Variants in CPNE6 observed in about 807,000 individuals in gnomAD.
CPNE6 encodes the protein copine-6.
A neutral mutation model predicts 71.5 loss-of-function variants in CPNE6; 33 were observed. The ratio of observed to expected loss-of-function variants is 0.46; its 90% CI spans 0.35 to 0.62. The LOEUF (loss-of-function observed/expected upper bound fraction) is 0.62. Among genes scored for constraint, CPNE6 ranks in the 20% least tolerant of loss-of-function variants. The pLI is 0.00. For synonymous variants in CPNE6, 296 were observed against 293.0 expected, an observed-to-expected ratio of 1.01 and a Z score of -0.10; for missense variants, 576 against 747.3, an observed-to-expected ratio of 0.77 and a Z score of 2.67.
chr14:24,075,909 C>T lies in CPNE6; in HGVS notation c.924+23C>T, dbSNP rs923018783. The T allele has an allele frequency of 6.2e-7, 1 of 1,613,340 alleles. No homozygotes were observed. Among genetic ancestry groups the T allele is most frequent in the Non-Finnish European group, 8.5e-7 (1 of 1,179,382 alleles). Reference sequence around the variant, plus strand: ...ACGGTAAAGACTCAGAGGGAGGGCACACAGGCAAGAGGGAGGGGCTGAGTC... The same window carrying T: ...ACGGTAAAGACTCAGAGGGAGGGCATACAGGCAAGAGGGAGGGGCTGAGTC... On this transcript the variant is annotated intron_variant, in intron 11 of 17. Transcript: ENST00000397016. The surrounding 1 kb of genome is among the most constrained non-coding windows in gnomAD (Gnocchi z 4.3).
rs764105728 is a variant in CPNE6 at position 24,077,327 on chromosome 14, C to T, written c.1473C>T (p.Cys491=). The change falls in exon 16 of 18, where the codon TGC becomes TGT. Residue 491 remains cysteine (C), a synonymous_variant. Coordinates refer to ENST00000397016, the Ensembl canonical transcript of CPNE6. This position sits in a 1 kb window ranked among gnomAD's most constrained non-coding sequence, Gnocchi z 6.1. ...ATGGCGACGACGGCCCCTTGCGCTG[C>T]CCCCGAGGGGTGCCTGCAGCCCGAG... is the stretch of plus-strand genomic sequence containing the variant. 19 of 1,613,866 alleles carry T rather than the reference C, an allele frequency of 1.2e-5. No individual in the cohort carries two copies. Among genetic ancestry groups the T allele is most frequent in the Non-Finnish European group, 1.5e-5 (18 of 1,180,008 alleles).
chr14:24,071,507 C>G, intron 1 of CPNE6, 55 bp from the exon 1 acceptor site: 3 of 1,447,386 alleles, frequency 2.1e-6, no homozygotes, highest in Non-Finnish European at 1.8e-6. Context: ...CTGCGCCCCC[C>G]CCCACCCCTC....
chr14:24,074,521 G>A lies in CPNE6; in HGVS notation c.499-10G>A. ...ACCAACCTCAAGGGCCCTTTCTCCT[G>A]TATCTTCAGGATCTGTTCAGCAAGT... is the stretch of plus-strand genomic sequence containing the variant. On this transcript the variant is annotated splice_polypyrimidine_tract_variant and intron_variant, in intron 6 of 17. Transcript: ENST00000397016. The surrounding 1 kb of genome is among the most constrained non-coding windows in gnomAD (Gnocchi z 4.5). 1.9e-6 allele frequency: 3 copies of A among 1,613,748 alleles called. No individual in the cohort carries two copies. The highest frequency in any genetic ancestry group is 2.5e-6 in the Non-Finnish European group (3 of 1,179,752).
rs766705812 is a variant in CPNE6, at chr14:24,076,537, C to T, written c.1145C>T (p.Pro382Leu). ...CATGACTTTGCTATCAACTTTGACC[C>T]GGAAAATCCTGAATGTGAAGGTAAA... The change falls in exon 14 of 18, where the codon CCG (proline) becomes CTG (leucine). Residue 382 changes from proline (P) to leucine (L), a missense_variant. Pro to Leu is a moderately conservative substitution (Grantham distance 98, BLOSUM62 -3). Around this residue, in one of 4 missense-constraint regions of CPNE6, gnomAD observed 264 missense variants for 339.9 expected, o/e 0.78. Transcript: ENST00000397016. 1.7e-5 allele frequency: 27 copies of T among 1,613,994 alleles called. No homozygotes were observed. In the Middle Eastern group the frequency reaches 4.9e-4, roughly 29 times the overall value.
Position 24,077,717 on chromosome 14 carries a change from G to T in CPNE6, c.1661G>T (p.Ser554Ile). 6.5e-7 allele frequency: 1 copy of T among 1,526,934 alleles called. No individual in the cohort carries two copies. Among genetic ancestry groups the T allele is most frequent in the Admixed American group, 2.2e-5 (1 of 45,732 alleles). The allele number at this position is 1,526,934 out of a possible 1,614,324, so 94.6% of individuals were successfully genotyped here. The change falls in exon 17 of 18, where the codon AGC (serine) becomes ATC (isoleucine). Residue 554 changes from serine (S) to isoleucine (I), a missense_variant. This residue lies in a region of CPNE6 where 264 missense variants were observed against 339.9 expected (regional missense o/e 0.78). Coordinates refer to ENST00000397016, the Ensembl canonical transcript of CPNE6. The surrounding 1 kb of genome is among the most constrained non-coding windows in gnomAD (Gnocchi z 6.1). Reference sequence around the variant, plus strand: ...CCCTGCACACTGGCTACGACTCCCAGCCCTAGCCCGTGACTGCCTCCCTCC... The same window carrying T: ...CCCTGCACACTGGCTACGACTCCCATCCCTAGCCCGTGACTGCCTCCCTCC...
intron 2 of CPNE6, 189 bp downstream of exon 1, chr14:24,071,830 T>A (rs1594225077): frequency 1.9e-6 from 1 of 520,828 alleles, no homozygotes; most frequent in Non-Finnish European, 3.4e-6. Flanking sequence ...GAGACCCCCC[T>A]CCCCCAGCCC....
At chr14:24,071,537 T>C in exon 2 of CPNE6, 1 of 509,916 alleles carries the variant, frequency 2.0e-6, no homozygotes, top group Non-Finnish European at 2.6e-6. Context: ...GCCCCATAAA[T>C]AGCAGCAGAG....
chr14:24,072,990 G>A (rs1490013480), exon 3 of CPNE6: 10 of 1,586,408 alleles, frequency 6.3e-6, no homozygotes, highest in Non-Finnish European at 8.6e-6. Context: ...TGACGCTGGG[G>A]GCCTCTCGGG....
At position 24,077,578 on chromosome 14, in the gene CPNE6, C is replaced by T. The variant is rs1186774452; in HGVS notation, c.1537-15C>T. ...CTTCCTCTCACCCCTAACCACATCA[C>T]TGTCCCCACCCTAGGCTGCCCCCTC... On this transcript the variant is annotated splice_polypyrimidine_tract_variant and intron_variant, in intron 16 of 17. Coordinates refer to ENST00000397016, the Ensembl canonical transcript of CPNE6. The surrounding 1 kb of genome is among the most constrained non-coding windows in gnomAD (Gnocchi z 6.1). The T allele has an allele frequency of 6.3e-7, 1 of 1,578,716 alleles. No homozygotes were observed. The highest frequency in any genetic ancestry group is 1.2e-5 in the South Asian group (1 of 84,734).
Position 24,075,191 on chromosome 14 carries a change from ACTCC to A in CPNE6, c.693_696del (p.Asp231GlufsTer51). 6.2e-7 allele frequency: 1 copy of A among 1,613,412 alleles called. No individual in the cohort carries two copies. On this transcript the variant is annotated frameshift_variant, in exon 9 of 18. Transcript: ENST00000397016. LOFTEE classifies it high-confidence loss of function. The surrounding 1 kb of genome is among the most constrained non-coding windows in gnomAD (Gnocchi z 4.3). ...TCTCAGTTCCTGGTGTATGACTATGACTCCAGTGGGAAGCATGACTTCATCGGCG... is the reference window on the plus strand; with the variant it reads ...TCTCAGTTCCTGGTGTATGACTATGAAGTGGGAAGCATGACTTCATCGGCG...
Position 24,071,643 on chromosome 14 carries a change from T to G in CPNE6, c.-5+2T>G. The G allele has an allele frequency of 1.0e-6, 1 of 954,122 alleles. No homozygotes were observed. The highest frequency in any genetic ancestry group is 1.6e-6 in the Non-Finnish European group (1 of 616,786). 59.1% of individuals were successfully genotyped at this position (954,122 alleles called of 1,614,324 possible). A position where few individuals can be genotyped will look rare whatever the true frequency, so the allele number is the denominator to read the frequency against. ...AGGAGCCCCCGACCGAGAGCCCAGGTGAGCCCACCCTTCCTCCCCAGCCCA... is the reference window on the plus strand; with the variant it reads ...AGGAGCCCCCGACCGAGAGCCCAGGGGAGCCCACCCTTCCTCCCCAGCCCA... On this transcript the variant is annotated splice_donor_variant, in intron 2 of 17. Coordinates refer to ENST00000397016, the Ensembl canonical transcript of CPNE6. LOFTEE classifies it low-confidence loss of function (5UTR_SPLICE).
At position 24,074,701 on chromosome 14, in the gene CPNE6, C is replaced by A; in HGVS notation, c.583-5C>A. On this transcript the variant is annotated splice_region_variant and splice_polypyrimidine_tract_variant and intron_variant, in intron 7 of 17. Transcript: ENST00000397016. The surrounding 1 kb of genome is among the most constrained non-coding windows in gnomAD (Gnocchi z 4.5). ...AGCTGACCAGCCACCTGGTGCCTCT[C>A]CAAGGTGGTGAAGAACAACCTGAAC... 6.2e-7 allele frequency: 1 copy of A among 1,613,942 alleles called. No homozygotes were observed. The highest frequency in any genetic ancestry group is 1.1e-5 in the South Asian group (1 of 91,070).
intron 2 of CPNE6, 172 bp from the exon 2 acceptor site, chr14:24,072,761 C>G: frequency 2.0e-6 from 1 of 510,140 alleles, no homozygotes; most frequent in Non-Finnish European, 3.2e-6. Flanking sequence ...CTCAGGTCCT[C>G]TGCCCTCCCC....
chr14:24,074,178 A>C lies in CPNE6; in HGVS notation c.423+53A>C, dbSNP rs1179025691. ...TGGTCCAGGTATTCAATGCCCCTGC[A>C]TGGACACCTATGGTGACATCATGCC... On this transcript the variant is annotated intron_variant, in intron 5 of 17. Coordinates refer to ENST00000397016, the Ensembl canonical transcript of CPNE6. The surrounding 1 kb of genome is among the most constrained non-coding windows in gnomAD (Gnocchi z 4.5). 2.5e-6 allele frequency: 4 copies of C among 1,592,974 alleles called. No individual in the cohort carries two copies. The African/African-American group carries it at 5.4e-5, about 21-fold the overall frequency.
intron 1 of CPNE6, 129 bp from the exon 1 acceptor site, chr14:24,071,433 C>A: frequency 6.7e-7 from 1 of 1,484,426 alleles, no homozygotes; most frequent in Non-Finnish European, 8.9e-7. Context: ...GGCTCCCTCC[C>A]AGGCTGTGGC....
intron 14 of CPNE6, 99 bp from the exon 14 acceptor site, chr14:24,076,780 G>A: frequency 6.4e-7 from 1 of 1,574,420 alleles, no homozygotes; most frequent in Non-Finnish European, 8.7e-7. Flanking sequence ...CTCGAGGGGA[G>A]GGCAGTCCTC....
At position 24,077,360 on chromosome 14, in the gene CPNE6, C is replaced by T; in HGVS notation, c.1506C>T (p.Val502=). 1 of 1,614,012 alleles carries T rather than the reference C, an allele frequency of 6.2e-7. No individual in the cohort carries two copies. Among genetic ancestry groups the T allele is most frequent in the Non-Finnish European group, 8.5e-7 (1 of 1,180,000 alleles). Residue 502 remains valine, a synonymous_variant, in exon 16 of 18, where the codon GTC becomes GTT. Coordinates refer to ENST00000397016, the Ensembl canonical transcript of CPNE6. This position sits in a 1 kb window ranked among gnomAD's most constrained non-coding sequence, Gnocchi z 6.1. Reference sequence around the variant, plus strand: ...GGGTGCCTGCAGCCCGAGACATTGTCCAGTTCGTGCCCTTCCGAGACTTCA... The same window carrying T: ...GGGTGCCTGCAGCCCGAGACATTGTTCAGTTCGTGCCCTTCCGAGACTTCA...
chr14:24,075,762 C>T lies in CPNE6; in HGVS notation c.865-65C>T, dbSNP rs2036041722. 6.6e-7 allele frequency: 1 copy of T among 1,523,866 alleles called. No individual in the cohort carries two copies. Among genetic ancestry groups the T allele is most frequent in the Non-Finnish European group, 9.1e-7 (1 of 1,100,164 alleles). The allele number at this position is 1,523,866 out of a possible 1,614,324, so 94.4% of individuals were successfully genotyped here. A position where few individuals can be genotyped will look rare whatever the true frequency, so the allele number is the denominator to read the frequency against. On this transcript the variant is annotated intron_variant, in intron 10 of 17. Transcript: ENST00000397016. The surrounding 1 kb of genome is among the most constrained non-coding windows in gnomAD (Gnocchi z 4.3). ...CTCCCCCATGTTCCCCACAGAAGCCCTACCCAAGCTCCCTCCTCAAAGGAC... is the reference window on the plus strand; with the variant it reads ...CTCCCCCATGTTCCCCACAGAAGCCTTACCCAAGCTCCCTCCTCAAAGGAC...
In CPNE6 at chr14:24,077,137, T is replaced by C. The variant is rs1422266581; in HGVS notation, c.1300-17T>C. On this transcript the variant is annotated splice_polypyrimidine_tract_variant and intron_variant, in intron 15 of 17. Transcript: ENST00000397016. The surrounding 1 kb of genome is among the most constrained non-coding windows in gnomAD (Gnocchi z 6.1). ...GCACACAAAGCCAACCCTTCCACCCTCTCTGCTTGCCCTCAGAAGTACTCG... is the reference window on the plus strand; with the variant it reads ...GCACACAAAGCCAACCCTTCCACCCCCTCTGCTTGCCCTCAGAAGTACTCG... The C allele has an allele frequency of 6.3e-7, 1 of 1,597,538 alleles. No individual in the cohort carries two copies. The highest frequency in any genetic ancestry group is 8.5e-7 in the Non-Finnish European group (1 of 1,176,364).
Sources: allele counts gnomAD v4.1 joint callset, GRCh38; gene constraint gnomAD v4.1.1; regional missense constraint gnomAD v4.1.1; non-coding constraint Gnocchi (gnomAD v3.1); transcripts MANE v1.5; gene names NCBI Gene and HGNC (gene_info 2026-07-23, HGNC 2026-07-21).